DIP2B: variants seen among roughly 807,000 people sequenced by gnomAD.
DIP2B encodes the protein disco-interacting protein 2 homolog B.
DIP2B carries 76 observed loss-of-function variants against 198.0 expected under a neutral mutation model. The observed-to-expected ratio is 0.38, with a 90% confidence interval of 0.32 to 0.46. The LOEUF (loss-of-function observed/expected upper bound fraction) is 0.46, where lower values mean the gene tolerates loss of function less well. DIP2B is among the 20% of genes least tolerant of loss of function. The pLI, the probability that DIP2B is intolerant of heterozygous loss-of-function variation, is 0.99. For missense variants in DIP2B, 1,559 were observed against 1,978.4 expected, an observed-to-expected ratio of 0.79 and a Z score of 4.02; for synonymous variants, 701 against 739.1, an observed-to-expected ratio of 0.95 and a Z score of 0.84.
Position 50,721,361 on chromosome 12 carries a change from A to T in DIP2B, c.3131A>T (p.Asn1044Ile), listed in dbSNP as rs1240176788. Reference sequence around the variant, plus strand: ...GTTCTTGGTGATAAGGGACATCTAAATGCAGGAGATAATGTGGTGTTGCTC... The same window carrying T: ...GTTCTTGGTGATAAGGGACATCTAATTGCAGGAGATAATGTGGTGTTGCTC... ...ASVLGDKGHL[N>I]AGDNVVLLYP... Residue 1044 changes from asparagine (N) to isoleucine (I), a missense_variant, in exon 26 of 38, where the codon AAT (asparagine) becomes ATT (isoleucine). Coordinates refer to ENST00000301180, the MANE Select transcript of DIP2B (RefSeq NM_173602.3). 6.2e-7 allele frequency: 1 copy of T among 1,614,182 alleles called. No homozygotes were observed. Among genetic ancestry groups the T allele is most frequent in the Non-Finnish European group, 8.5e-7 (1 of 1,180,020 alleles).
chr12:50,697,609 A>G lies in DIP2B; in HGVS notation c.2048+434A>G, dbSNP rs570685690. Among the ~76,000 whole-genome samples the G allele has an allele frequency of 1.0e-4, 13 of 125,866 alleles. No homozygotes were observed. The East Asian group carries it at 3.2e-3, about 31-fold the overall frequency. 82.6% of individuals were successfully genotyped at this position (125,866 alleles called of 152,430 possible). On this transcript the variant is annotated intron_variant, in intron 17 of 37. Transcript: ENST00000301180. ...CAGTGGCATGATTATGGCTCACTGC[A>G]GCCTCAACCTCCTGGGCTCAAACAG...
At chr12:50,540,254 C>T (rs926310772) in intron 1 of DIP2B, among the ~76,000 whole-genome samples, 1 of 150,648 alleles carries the variant, frequency 6.6e-6, no homozygotes, top group Non-Finnish European at 1.5e-5. Context: ...ATTACAGGTG[C>T]CCACCACCAC....
At chr12:50,540,698 G>A (rs1051326704) in intron 1 of DIP2B, among the ~76,000 whole-genome samples, 6 of 151,834 alleles carry the variant, frequency 4.0e-5, no homozygotes, top group South Asian at 2.1e-4. Context: ...ACAGGTGCCC[G>A]CCACGGCGCC....
intron 18 of DIP2B, 55 bp downstream of exon 18, chr12:50,698,522 A>G (rs1939358794): frequency 1.9e-6 from 3 of 1,571,456 alleles, no homozygotes; most frequent in East Asian, 4.5e-5. Flanking sequence ...ATCAGAGATA[A>G]TAGAGCCTGA....
intron 32 of DIP2B, among the ~76,000 whole-genome samples, chr12:50,733,202 G>C (rs1004301026): frequency 6.6e-6 from 1 of 150,446 alleles, no homozygotes; most frequent in Non-Finnish European, 1.5e-5. Flanking sequence ...CACCGCGCCC[G>C]GTCTGACCTT....
chr12:50,507,065 G>T (rs1163822709), intron 1 of DIP2B, among the ~76,000 whole-genome samples: 1 of 152,054 alleles, frequency 6.6e-6, no homozygotes, highest in East Asian at 1.9e-4. Context: ...ACTATTTCTA[G>T]GACCCACACT....
At chr12:50,558,102 C>A (rs145868408) in intron 1 of DIP2B, among the ~76,000 whole-genome samples, 22 of 814 alleles carry the variant, frequency 0.027, no homozygotes, top group African/African-American at 0.03. Context: ...CGGTAGCGTC[C>A]TAAGCCTGTA....
At chr12:50,588,536 T>G (rs1371702154) in intron 1 of DIP2B, among the ~76,000 whole-genome samples, 2 of 152,202 alleles carry the variant, frequency 1.3e-5, no homozygotes, top group African/African-American at 2.4e-5. Context: ...AGTTATTTCC[T>G]TAATAGTCAC....
intron 1 of DIP2B, among the ~76,000 whole-genome samples, chr12:50,604,298 T>G (rs1419820976): frequency 1.3e-5 from 2 of 152,188 alleles, no homozygotes; most frequent in Non-Finnish European, 2.9e-5. Flanking sequence ...CATGCAAGCA[T>G]ATATCCAACC....
chr12:50,724,108 G>A (rs994740190), intron 27 of DIP2B, among the ~76,000 whole-genome samples: 1 of 152,202 alleles, frequency 6.6e-6, no homozygotes, highest in African/African-American at 2.4e-5. Context: ...CAGCAAAAAT[G>A]GAGCCCACAG....
intron 7 of DIP2B, among the ~76,000 whole-genome samples, chr12:50,677,903 G>A (rs1334833889): frequency 2.0e-5 from 3 of 151,790 alleles, no homozygotes; most frequent in South Asian, 2.1e-4. Flanking sequence ...CCTTTGTGGG[G>A]GAAAACTTGT....
chr12:50,552,198 G>C (rs1256448956), intron 1 of DIP2B, among the ~76,000 whole-genome samples: 1 of 151,950 alleles, frequency 6.6e-6, no homozygotes, highest in Non-Finnish European at 1.5e-5. Context: ...CATCTTAGCA[G>C]AAAGGTCTGT....
Position 50,741,450 on chromosome 12 carries a change from G to A in DIP2B, c.4389G>A (p.Leu1463=), listed in dbSNP as rs755388193. The stretch of plus-strand genomic sequence containing the variant: ...ATGCATTGTATGTGGTGGGAGCGCT[G>A]GATGAAACACTGGAGCTGAGAGGAT... The part of the protein sequence containing the change: ...RHDALYVVGA[L]DETLELRGLR... Residue 1463 remains leucine, a synonymous_variant, in exon 37 of 38, where the codon CTG becomes CTA. Coordinates refer to ENST00000301180, the MANE Select transcript of DIP2B (RefSeq NM_173602.3). 2 of 1,614,092 alleles carry A rather than the reference G, an allele frequency of 1.2e-6. No homozygotes were observed. The highest frequency in any genetic ancestry group is 2.2e-5 in the South Asian group (2 of 91,084).
chr12:50,667,161 C>A (rs916288824), intron 4 of DIP2B, among the ~76,000 whole-genome samples: 1 of 152,128 alleles, frequency 6.6e-6, no homozygotes, highest in Non-Finnish European at 1.5e-5. Context: ...TGAGACAATG[C>A]GCCCGGCCAA....
At chr12:50,735,973 G>A (rs1457395450) in intron 34 of DIP2B, among the ~76,000 whole-genome samples, 1 of 152,218 alleles carries the variant, frequency 6.6e-6, no homozygotes, top group African/African-American at 2.4e-5. Context: ...GAGATTTAGT[G>A]AGAAGCAATT....
intron 3 of DIP2B, among the ~76,000 whole-genome samples, chr12:50,651,538 T>C (rs1306777244): frequency 6.6e-6 from 1 of 152,180 alleles, no homozygotes; most frequent in Non-Finnish European, 1.5e-5. Context: ...TTTCATTCTT[T>C]TGCATGTGGA....
chr12:50,644,895 T>C (rs1426488408), intron 3 of DIP2B, among the ~76,000 whole-genome samples: 1 of 152,240 alleles, frequency 6.6e-6, no homozygotes. Flanking sequence ...ATGTACTCTT[T>C]TTAATTAATA....
At chr12:50,694,737 G>A (rs1020091071) in intron 14 of DIP2B, among the ~76,000 whole-genome samples, 6 of 150,930 alleles carry the variant, frequency 4.0e-5, no homozygotes, top group Admixed American at 3.3e-4. Flanking sequence ...ACAAGTCCAG[G>A]GAAGGAAGTA....
rs537916402 is a variant in DIP2B at position 50,595,880 on chromosome 12, G to A, written c.101-30096G>A. 5.9e-5 allele frequency among the ~76,000 whole-genome samples: 9 copies of A among 152,236 alleles called. No homozygotes were observed. In the South Asian group the frequency reaches 1.7e-3, roughly 28 times the overall value. ...GGGAATATATTGAAGTGCTCCCACCGTCTCCTCCTCCACTCTCAGTCTTGC... is the reference window on the plus strand; with the variant it reads ...GGGAATATATTGAAGTGCTCCCACCATCTCCTCCTCCACTCTCAGTCTTGC... On this transcript the variant is annotated intron_variant, in intron 1 of 37. Transcript: ENST00000301180.
Sources: gnomAD v4.1 joint callset for allele counts (sites outside exome capture counted in the v4.1 genomes callset) on GRCh38, gnomAD v4.1.1 for gene constraint, MANE v1.5 for transcripts, NCBI Gene and HGNC (gene_info 2026-07-23, HGNC 2026-07-21) for gene names.